The following CATSPERT variants were observed in gnomAD, a reference collection of about 807,000 sequenced individuals.
The protein encoded by CATSPERT is cation channel sperm-associated targeting subunit tau.
the CATSPERT span, among the ~76,000 whole-genome samples, chr2:201,513,153 C>A: frequency 6.6e-6 from 1 of 150,396 alleles, no homozygotes; most frequent in Non-Finnish European, 1.5e-5. Flanking sequence ...AACAGACAAC[C>A]TACGGAATGG....
chr2:201,493,073 G>T, the CATSPERT span: 1 of 1,535,044 alleles, frequency 6.5e-7, no homozygotes, highest in South Asian at 1.2e-5. Flanking sequence ...TTTTCTGGTT[G>T]TCCTCTTCTT....
the CATSPERT span, among the ~76,000 whole-genome samples, chr2:201,591,450 AT>A: frequency 6.6e-6 from 1 of 152,128 alleles, no homozygotes; most frequent in Non-Finnish European, 1.5e-5. Context: ...TTGGCTTAGG[AT>A]TGACTTGGCA....
the CATSPERT span, among the ~76,000 whole-genome samples, chr2:201,518,533 C>A: frequency 1.3e-5 from 2 of 152,284 alleles, no homozygotes; most frequent in East Asian, 3.9e-4. Context: ...AGTAGGTATC[C>A]TTAAGGGAGT....
At chr2:201,507,813 A>G in the CATSPERT span, among the ~76,000 whole-genome samples, 3 of 152,170 alleles carry the variant, frequency 2.0e-5, no homozygotes, top group African/African-American at 7.2e-5. Flanking sequence ...GAAACTTCGA[A>G]TCATGGTGGG....
the CATSPERT span, chr2:201,549,723 T>C: frequency 6.6e-6 from 1 of 152,282 alleles, no homozygotes; most frequent in African/African-American, 2.4e-5. Flanking sequence ...AATAATCGTT[T>C]TCTTAATTAG....
the CATSPERT span, among the ~76,000 whole-genome samples, chr2:201,601,176 C>T: frequency 6.6e-6 from 1 of 151,862 alleles, no homozygotes; most frequent in Admixed American, 6.6e-5. Context: ...GCCCACATTC[C>T]CAGCTCAACC....
the CATSPERT span, among the ~76,000 whole-genome samples, chr2:201,560,691 C>T: frequency 6.6e-6 from 1 of 152,024 alleles, no homozygotes; most frequent in Non-Finnish European, 1.5e-5. Context: ...TCACAAGAAA[C>T]TGAATTCTTC....
chr2:201,575,388 G>C, the CATSPERT span: 315 of 1,350,254 alleles, frequency 2.3e-4, no homozygotes, highest in African/African-American at 4.0e-3. Context: ...GTATATTATC[G>C]AAACCAAGGG....
the CATSPERT span, among the ~76,000 whole-genome samples, chr2:201,498,153 T>G: frequency 6.6e-6 from 1 of 152,092 alleles, no homozygotes; most frequent in Non-Finnish European, 1.5e-5. Flanking sequence ...TTAGGAAGAA[T>G]AGCGCACACG....
the CATSPERT span, chr2:201,545,629 CAAAAAAAAAAAAA>C: frequency 1.9e-4 from 30 of 156,510 alleles, no homozygotes; most frequent in Admixed American, 9.1e-4. Flanking sequence ...TTCCTAGAAG[CAAAAAAAAAAAAA>C]AAAAAAAAAA....
At chr2:201,492,509 C>G in the CATSPERT span, 1 of 1,535,704 alleles carries the variant, frequency 6.5e-7, no homozygotes, top group Non-Finnish European at 8.7e-7. Flanking sequence ...ATATCTTGTT[C>G]TAGTTCATGA....
the CATSPERT span, chr2:201,492,219 A>T: frequency 6.6e-7 from 1 of 1,519,140 alleles, no homozygotes; most frequent in Non-Finnish European, 8.8e-7. Context: ...CCACAAAGTG[A>T]CAGTCATCTC....
the CATSPERT span, chr2:201,495,930 T>C: frequency 4.4e-6 from 7 of 1,599,042 alleles, no homozygotes; most frequent in Non-Finnish European, 6.0e-6. Context: ...TATTCTGGTC[T>C]GAAAGATGGT....
the CATSPERT span, chr2:201,491,277 A>G: frequency 3.3e-6 from 5 of 1,537,776 alleles, no homozygotes; most frequent in Non-Finnish European, 8.7e-7. Flanking sequence ...CTATCTTGTT[A>G]AATGACTTTT....
the CATSPERT span, among the ~76,000 whole-genome samples, chr2:201,499,945 A>G: frequency 6.6e-6 from 1 of 150,522 alleles, no homozygotes; most frequent in Non-Finnish European, 1.5e-5. Flanking sequence ...CAACCCCCCT[A>G]CTACTATAGA....
the CATSPERT span, among the ~76,000 whole-genome samples, chr2:201,537,858 C>T: frequency 6.6e-6 from 1 of 151,918 alleles, no homozygotes; most frequent in African/African-American, 2.4e-5. Context: ...GGTTAAAATA[C>T]TTGTAAAATT....
chr2:201,592,573 T>C, the CATSPERT span, among the ~76,000 whole-genome samples: 2 of 151,544 alleles, frequency 1.3e-5, no homozygotes, highest in East Asian at 3.9e-4. Flanking sequence ...TTCCTCCTTG[T>C]ACCTCTGGTA....
the CATSPERT span, chr2:201,534,949 A>C: frequency 2.4e-6 from 1 of 424,930 alleles, no homozygotes; most frequent in East Asian, 1.6e-4. Flanking sequence ...CAAGCTTTTA[A>C]AATTCATAAA....
At chr2:201,551,779 A>C in the CATSPERT span, among the ~76,000 whole-genome samples, 16 of 151,918 alleles carry the variant, frequency 1.1e-4, no homozygotes, top group African/African-American at 2.9e-4. Context: ...ATGGTGGTGC[A>C]TGCCTGTAAT....
Sources: gnomAD v4.1 joint callset for allele counts (sites outside exome capture counted in the v4.1 genomes callset) on GRCh38, gnomAD v4.1.1 for gene constraint, MANE v1.5 for transcripts, NCBI Gene and HGNC (gene_info 2026-07-23, HGNC 2026-07-21) for gene names.